Variants in ZNF384 observed in about 807,000 individuals in gnomAD.
The protein encoded by ZNF384 is CAG repeat protein 1.
Under a neutral mutation model 65.0 loss-of-function variants are expected in ZNF384, and 20 were observed. The observed-to-expected ratio is 0.31, with a 90% CI of 0.22 to 0.45. ZNF384 has a LOEUF of 0.45. Ranked by LOEUF, ZNF384 falls within the 20% of genes least tolerant of loss-of-function variation. The probability of loss-of-function intolerance (pLI) is 1.00; values close to 1 mark genes in which losing one functional copy is unlikely to be tolerated. For synonymous variants in ZNF384, 310 were observed against 303.9 expected (o/e 1.02, Z -0.21); for missense variants, 549 against 769.4 (o/e 0.71, Z 3.39).
intron 10 of ZNF384, among the ~76,000 whole-genome samples, 197 bp from the exon 11 acceptor site, chr12:6,669,386 G>C (rs1592359425): frequency 6.6e-6 from 1 of 152,108 alleles, no homozygotes; most frequent in Admixed American, 6.5e-5. Context: ...GCACATACCA[G>C]GATCCCAAGA....
chr12:6,677,397 C>G (rs774036674), intron 6 of ZNF384, 138 bp from the exon 7 acceptor site: 17 of 929,216 alleles, frequency 1.8e-5, no homozygotes, highest in Non-Finnish European at 2.3e-5. Flanking sequence ...TGCTACCAAA[C>G]TCCCCAAACC....
In ZNF384 at chr12:6,666,518, A is replaced by G. The variant is rs1949805061; in HGVS notation, c.*1196T>C. 6.2e-6 allele frequency: 1 copy of G among 160,556 alleles called. No homozygotes were observed. Among genetic ancestry groups the G allele is most frequent in the Non-Finnish European group, 1.4e-5 (1 of 73,482 alleles). 9.9% of individuals were successfully genotyped at this position (160,556 alleles called of 1,614,324 possible). On this transcript the variant is annotated 3_prime_UTR_variant, in exon 12 of 12. Coordinates refer to ENST00000683879, the MANE Select transcript of ZNF384 (RefSeq NM_001385745.1). Reference sequence around the variant, plus strand: ...TATTTCTATACAATGTTCTAAAAACACCCCTTGGTTTGTACATAAGTTTTT... The same window carrying G: ...TATTTCTATACAATGTTCTAAAAACGCCCCTTGGTTTGTACATAAGTTTTT...
chr12:6,678,069 G>C lies in ZNF384; in HGVS notation c.686+58C>G, dbSNP rs946897660. On this transcript the variant is annotated intron_variant, in intron 6 of 11. Transcript: ENST00000683879. This position sits in a 1 kb window ranked among gnomAD's most constrained non-coding sequence, Gnocchi z 4.9. ...CGGGGCAGAACACAATGAGGGTACA[G>C]GGAGAATCACCAAGCCAGGGATCCT... The C allele has an allele frequency of 3.3e-6, 5 of 1,508,716 alleles. No individual in the cohort carries two copies. Among genetic ancestry groups the C allele is most frequent in the Non-Finnish European group, 4.5e-6 (5 of 1,101,454 alleles). The allele number at this position is 1,508,716 out of a possible 1,614,324, so 93.5% of individuals were successfully genotyped here.
At position 6,672,968 on chromosome 12, in the gene ZNF384, A is replaced by T; in HGVS notation, c.1004+248T>A. 1.9e-6 allele frequency: 1 copy of T among 530,936 alleles called. No individual in the cohort carries two copies. Among genetic ancestry groups the T allele is most frequent in the Admixed American group, 3.2e-5 (1 of 31,160 alleles). The allele number at this position is 530,936 out of a possible 1,614,324, so 32.9% of individuals were successfully genotyped here. A position where few individuals can be genotyped will look rare whatever the true frequency, so the allele number is the denominator to read the frequency against. ...TAAAAGCAGGCCTGCTCTGCAGAAG[A>T]TTTCCAAACACAGACACAGAGAGAA... is the stretch of plus-strand genomic sequence containing the variant. On this transcript the variant is annotated intron_variant, in intron 8 of 11. Transcript: ENST00000683879. This position sits in a 1 kb window ranked among gnomAD's most constrained non-coding sequence, Gnocchi z 4.4.
At chr12:6,669,513 T>TC (rs200237784) in intron 10 of ZNF384, among the ~76,000 whole-genome samples, 1 of 151,442 alleles carries the variant, frequency 6.6e-6, no homozygotes, top group African/African-American at 2.4e-5. Flanking sequence ...TTTTTTTTTT[T>TC]CCCAGATGAA....
intron 9 of ZNF384, chr12:6,671,994 A>G (rs1951685330): frequency 4.6e-6 from 1 of 217,964 alleles, no homozygotes; most frequent in Admixed American, 5.2e-5. Flanking sequence ...TCTCCACTCA[A>G]ATGCCTCTGT....
intron 2 of ZNF384, among the ~76,000 whole-genome samples, 197 bp from the exon 3 acceptor site, chr12:6,679,722 G>A (rs1450955573): frequency 1.4e-4 from 22 of 152,114 alleles, no homozygotes; most frequent in Admixed American, 1.4e-3. Flanking sequence ...ATCCAACAGA[G>A]GCTATCCTAC....
At chr12:6,676,511 C>G (rs1953643368) in intron 7 of ZNF384, among the ~76,000 whole-genome samples, 1 of 152,122 alleles carries the variant, frequency 6.6e-6, no homozygotes, top group Admixed American at 6.6e-5. Context: ...TTAATATATA[C>G]AGTTTGGAAA....
intron 10 of ZNF384, among the ~76,000 whole-genome samples, chr12:6,670,246 T>C (rs976821843): frequency 2.6e-5 from 4 of 151,948 alleles, no homozygotes; most frequent in African/African-American, 7.2e-5. Context: ...CTAGGGAAGA[T>C]AGCAAGACCC....
At chr12:6,684,411 C>CA (rs1423336016) in intron 2 of ZNF384, among the ~76,000 whole-genome samples, 1 of 152,102 alleles carries the variant, frequency 6.6e-6, no homozygotes, top group Non-Finnish European at 1.5e-5. Flanking sequence ...TTGATAACAG[C>CA]AAAATGACAT....
chr12:6,669,995 G>A lies in ZNF384; in HGVS notation c.1266+765C>T, dbSNP rs144194970. On this transcript the variant is annotated intron_variant, in intron 10 of 11. Coordinates refer to ENST00000683879, the MANE Select transcript of ZNF384 (RefSeq NM_001385745.1). ...AGATGAAAAACCTAACTGAAATCTTGTTCCCCTCAAAATTTCAAGTGGCTT... is the reference window on the plus strand; with the variant it reads ...AGATGAAAAACCTAACTGAAATCTTATTCCCCTCAAAATTTCAAGTGGCTT... Among the ~76,000 whole-genome samples, 373 of 152,116 alleles carry A rather than the reference G, an allele frequency of 2.5e-3. 2 individuals carry two copies. The highest frequency in any genetic ancestry group is 4.4e-3 in the Non-Finnish European group (297 of 67,988).
At chr12:6,670,408 C>T (rs1281128350) in intron 10 of ZNF384, among the ~76,000 whole-genome samples, 1 of 152,038 alleles carries the variant, frequency 6.6e-6, no homozygotes, top group African/African-American at 2.4e-5. Flanking sequence ...GCCTGGGTGA[C>T]AGAGCAAGGT....
Position 6,672,219 on chromosome 12 carries a change from T to A in ZNF384, c.1187+131A>T. The stretch of plus-strand genomic sequence containing the variant: ...GTTGTTTGGTCTTCCTTCTCCCAGA[T>A]GCCAGCCAGGTCTCTCCTCCAGCCA... On this transcript the variant is annotated intron_variant, in intron 9 of 11. Transcript: ENST00000683879. This position sits in a 1 kb window ranked among gnomAD's most constrained non-coding sequence, Gnocchi z 4.4. 1.0e-6 allele frequency: 1 copy of A among 980,184 alleles called. No homozygotes were observed. The highest frequency in any genetic ancestry group is 1.5e-6 in the Non-Finnish European group (1 of 679,536). 60.7% of individuals were successfully genotyped at this position (980,184 alleles called of 1,614,324 possible).
chr12:6,687,593 CT>C lies in ZNF384; in HGVS notation c.-6+573del, dbSNP rs576765215. ...ACTCTTCCAGACCTACTTCTGGAGTCTACTCCGTACAGTTTTATCCACTTCA... is the reference window on the plus strand; with the variant it reads ...ACTCTTCCAGACCTACTTCTGGAGTCACTCCGTACAGTTTTATCCACTTCA... On this transcript the variant is annotated intron_variant, in intron 2 of 11. Coordinates refer to ENST00000683879, the MANE Select transcript of ZNF384 (RefSeq NM_001385745.1). Among the ~76,000 whole-genome samples the C allele has an allele frequency of 3.3e-5, 5 of 152,250 alleles. No individual in the cohort carries two copies. In the South Asian group the frequency reaches 1.0e-3, roughly 32 times the overall value.
intron 2 of ZNF384, among the ~76,000 whole-genome samples, chr12:6,685,589 A>G (rs1436054081): frequency 6.6e-6 from 1 of 152,032 alleles, no homozygotes; most frequent in African/African-American, 2.4e-5. Context: ...CCTGGGCAAC[A>G]TGGTGAAATC....
chr12:6,674,078 C>T (rs1250254195), intron 7 of ZNF384, among the ~76,000 whole-genome samples: 2 of 152,188 alleles, frequency 1.3e-5, no homozygotes, highest in Admixed American at 6.6e-5. Context: ...CCCACAGCCC[C>T]TTGACAATCA....
At position 6,678,927 on chromosome 12, in the gene ZNF384, G is replaced by C; in HGVS notation, c.304+19C>G. 1 of 1,609,554 alleles carries C rather than the reference G, an allele frequency of 6.2e-7. No homozygotes were observed. The highest frequency in any genetic ancestry group is 1.1e-5 in the South Asian group (1 of 90,912). On this transcript the variant is annotated intron_variant, in intron 4 of 11. Transcript: ENST00000683879. This position sits in a 1 kb window ranked among gnomAD's most constrained non-coding sequence, Gnocchi z 4.9. ...TGGAAGATCAACACCTCAGATTGGAGAAGAGCAGAGTTGCTCACCAGCAGT... is the reference window on the plus strand; with the variant it reads ...TGGAAGATCAACACCTCAGATTGGACAAGAGCAGAGTTGCTCACCAGCAGT...
At chr12:6,684,954 T>A (rs1957366660) in intron 2 of ZNF384, among the ~76,000 whole-genome samples, 1 of 152,174 alleles carries the variant, frequency 6.6e-6, no homozygotes. Flanking sequence ...CATCCCAACA[T>A]TCAATCAGGC....
At position 6,678,242 on chromosome 12, in the gene ZNF384, G is replaced by T; in HGVS notation, c.571C>A (p.Pro191Thr). The change falls in exon 6 of 12, where the codon CCC (proline) becomes ACC (threonine). Residue 191 changes from proline to threonine, a missense_variant. Coordinates refer to ENST00000683879, the MANE Select transcript of ZNF384 (RefSeq NM_001385745.1). This position sits in a 1 kb window ranked among gnomAD's most constrained non-coding sequence, Gnocchi z 4.9. ...ATCCGCTTCTTCTTCCGGCCCCGGG[G>T]TGGCTTAGGAGCCACACTGCCACCT... is the stretch of plus-strand genomic sequence containing the variant. ...GGGGSVAPKP[P>T]RGRKKKRMLE... The T allele has an allele frequency of 6.2e-7, 1 of 1,614,138 alleles. No homozygotes were observed. The highest frequency in any genetic ancestry group is 8.5e-7 in the Non-Finnish European group (1 of 1,180,030).
Sources: gnomAD v4.1 joint callset for allele counts (sites outside exome capture counted in the v4.1 genomes callset) on GRCh38, gnomAD v4.1.1 for gene constraint, Gnocchi (gnomAD v3.1) non-coding constraint, MANE v1.5 for transcripts, NCBI Gene and HGNC (gene_info 2026-07-23, HGNC 2026-07-21) for gene names.